Variants in FHIT observed in about 807,000 individuals in gnomAD.
The protein encoded by FHIT is bis(5'-adenosyl)-triphosphatase.
FHIT carries 19 observed loss-of-function variants against 17.9 expected under a neutral mutation model. The ratio of observed to expected loss-of-function variants is 1.06; its 90% CI spans 0.74 to 1.56. The LOEUF (loss-of-function observed/expected upper bound fraction) is 1.56, where lower values mean the gene tolerates loss of function less well. Ranked by LOEUF, FHIT falls within the 40% of genes most tolerant of loss-of-function variation. The pLI is 0.00. For missense variants in FHIT, 248 were observed against 189.2 expected, an observed-to-expected ratio of 1.31 and a Z score of -1.82; for synonymous variants, 81 against 69.7, an observed-to-expected ratio of 1.16 and a Z score of -0.81.
At chr3:60,443,440 A>G (rs947943442) in intron 5 of FHIT, among the ~76,000 whole-genome samples, 1 of 152,178 alleles carries the variant, frequency 6.6e-6, no homozygotes, top group African/African-American at 2.4e-5. Context: ...ATTTTGAGAT[A>G]CATCCCATCA....
rs1463969870 is a variant in FHIT, at chr3:60,011,365, A to T, written c.279+6T>A. 2 of 1,613,442 alleles carry T rather than the reference A, an allele frequency of 1.2e-6. No homozygotes were observed. Among genetic ancestry groups the T allele is most frequent in the African/African-American group, 2.7e-5 (2 of 74,904 alleles). ...ATTAATTTGTATGCACATAATAAGC[A>T]CTCACCTTCACAGTCTGTCCGGCTT... is the stretch of plus-strand genomic sequence containing the variant. On this transcript the variant is annotated splice_donor_region_variant and intron_variant, in intron 7 of 9. Transcript: ENST00000492590.
chr3:60,529,661 G>A (rs965467403), intron 5 of FHIT, among the ~76,000 whole-genome samples: 3 of 152,212 alleles, frequency 2.0e-5, no homozygotes, highest in African/African-American at 7.2e-5. Context: ...TCAAAAATAT[G>A]CCCAGAATAT....
At chr3:60,192,414 A>T (rs1222149482) in intron 5 of FHIT, among the ~76,000 whole-genome samples, 1 of 152,120 alleles carries the variant, frequency 6.6e-6, no homozygotes, top group African/African-American at 2.4e-5. Flanking sequence ...GGTATGGCAG[A>T]TGCCTTTCAT....
intron 5 of FHIT, among the ~76,000 whole-genome samples, chr3:60,418,424 A>G (rs1397439783): frequency 0.097 from 2,183 of 22,460 alleles, 181 homozygotes; most frequent in Non-Finnish European, 0.12. Context: ...ATATATATAT[A>G]TACGTGTATA....
At chr3:60,848,949 G>A (rs1312528759) in intron 3 of FHIT, among the ~76,000 whole-genome samples, 1 of 152,038 alleles carries the variant, frequency 6.6e-6, no homozygotes, top group East Asian at 1.9e-4. Context: ...GACAAACATA[G>A]ATTTGAAACC....
chr3:60,000,524 A>G (rs530344708), intron 7 of FHIT, among the ~76,000 whole-genome samples: 2 of 152,244 alleles, frequency 1.3e-5, no homozygotes, highest in African/African-American at 4.8e-5. Context: ...GTGTGTACCA[A>G]ACAAGGTCTG....
chr3:60,180,989 G>C (rs538892169), intron 5 of FHIT, among the ~76,000 whole-genome samples: 2 of 152,128 alleles, frequency 1.3e-5, no homozygotes, highest in East Asian at 1.9e-4. Context: ...ATGAAGGTGA[G>C]TAGGAAAAAT....
At chr3:60,027,136 C>CAAAAAA (rs1404321876) in intron 5 of FHIT, among the ~76,000 whole-genome samples, 2 of 118,632 alleles carry the variant, frequency 1.7e-5, no homozygotes, top group Admixed American at 7.8e-5. Context: ...CACACACACA[C>CAAAAAA]ACACACACAC....
At chr3:60,711,797 T>G (rs2041540668) in intron 4 of FHIT, among the ~76,000 whole-genome samples, 1 of 152,008 alleles carries the variant, frequency 6.6e-6, no homozygotes, top group African/African-American at 2.4e-5. Context: ...ATCTGCATGT[T>G]TGGTGTACCT....
chr3:60,721,645 C>T (rs1175805487), intron 4 of FHIT, among the ~76,000 whole-genome samples: 1 of 152,138 alleles, frequency 6.6e-6, no homozygotes, highest in Non-Finnish European at 1.5e-5. Context: ...AAGCATGATT[C>T]ATGAATATAA....
chr3:60,610,874 GAGA>G (rs1325670196), intron 4 of FHIT, among the ~76,000 whole-genome samples: 22 of 152,132 alleles, frequency 1.4e-4, no homozygotes, highest in Admixed American at 1.1e-3. Context: ...GTGCAATGAT[GAGA>G]AGAAGGGCTT....
chr3:60,160,701 TTAGC>T (rs992742202), intron 5 of FHIT, among the ~76,000 whole-genome samples: 4 of 152,264 alleles, frequency 2.6e-5, no homozygotes, highest in African/African-American at 9.6e-5. Flanking sequence ...GTCAAGCAGC[TTAGC>T]TAAACTGTTT....
rs151046861 is a variant in FHIT, at chr3:60,154,245, C to T, written c.104-140093G>A. The stretch of plus-strand genomic sequence containing the variant: ...CAAAAATTCAAAAAATTACAACCTC[C>T]GGCATATATGAGTCAATAAGCATTC... On this transcript the variant is annotated intron_variant, in intron 5 of 9. Transcript: ENST00000492590. Among the ~76,000 whole-genome samples, 592 of 152,272 alleles carry T rather than the reference C, an allele frequency of 3.9e-3. 5 individuals carry two copies. The highest frequency in any genetic ancestry group is 0.013 in the African/African-American group (550 of 41,560).
At chr3:60,985,603 C>A (rs1710689721) in intron 3 of FHIT, among the ~76,000 whole-genome samples, 1 of 152,192 alleles carries the variant, frequency 6.6e-6, no homozygotes, top group Non-Finnish European at 1.5e-5. Context: ...ATTCTAACAG[C>A]AGCCCTCAAA....
chr3:60,265,243 A>T (rs1706510339), intron 5 of FHIT, among the ~76,000 whole-genome samples: 1 of 138,812 alleles, frequency 7.2e-6, no homozygotes, highest in South Asian at 2.5e-4. Flanking sequence ...CATGCTGAAA[A>T]TGAAAAACAT....
chr3:60,928,351 G>C (rs1316014362), intron 3 of FHIT, among the ~76,000 whole-genome samples: 1 of 141,336 alleles, frequency 7.1e-6, no homozygotes. Flanking sequence ...TTCAAATAAA[G>C]TGTATGAAAG....
At chr3:60,574,483 G>T (rs1553656880) in intron 4 of FHIT, among the ~76,000 whole-genome samples, 1 of 151,888 alleles carries the variant, frequency 6.6e-6, no homozygotes, top group Non-Finnish European at 1.5e-5. Context: ...CACAGTTGAG[G>T]CAGGCACTAC....
At chr3:60,582,041 C>T (rs539818911) in intron 4 of FHIT, among the ~76,000 whole-genome samples, 88 of 152,064 alleles carry the variant, frequency 5.8e-4, no homozygotes, top group African/African-American at 2.0e-3. Context: ...AAGTGTGCTT[C>T]AAAACCTAAG....
At chr3:60,709,174 CTA>C (rs1553704321) in intron 4 of FHIT, among the ~76,000 whole-genome samples, 1 of 152,130 alleles carries the variant, frequency 6.6e-6, no homozygotes, top group African/African-American at 2.4e-5. Context: ...TTTCAAAACA[CTA>C]TGAATTTATT....
Sources: gnomAD v4.1 joint callset for allele counts (sites outside exome capture counted in the v4.1 genomes callset) on GRCh38, gnomAD v4.1.1 for gene constraint, MANE v1.5 for transcripts, NCBI Gene and HGNC (gene_info 2026-07-23, HGNC 2026-07-21) for gene names.